Variants in ZBTB20 observed in about 807,000 individuals in gnomAD.
The protein encoded by ZBTB20 is zinc finger and BTB domain containing 20, also known as zinc finger and BTB domain-containing protein 20.
ZBTB20 carries 9 observed loss-of-function variants against 56.9 expected under a neutral mutation model. The ratio of observed to expected loss-of-function variants is 0.16; its 90% CI spans 0.10 to 0.28. The LOEUF is 0.28. Ranked by LOEUF, ZBTB20 falls within the 10% of genes least tolerant of loss-of-function variation. ZBTB20 has a pLI of 1.00. For synonymous variants in ZBTB20, 417 were observed against 420.7 expected, an observed-to-expected ratio of 0.99 and a Z score of 0.11; for missense variants, 655 against 1,003.0, an observed-to-expected ratio of 0.65 and a Z score of 4.69.
chr3:114,844,859 T>C (rs2074609520), intron 4 of ZBTB20, among the ~76,000 whole-genome samples: 1 of 63,028 alleles, frequency 1.6e-5, no homozygotes, highest in Non-Finnish European at 3.5e-5. Flanking sequence ...TTTTTCTTTT[T>C]CTTTTTTTTT....
rs564475603 is a variant in ZBTB20 at position 114,591,922 on chromosome 3, C to G, written c.-294-91531G>C. Among the ~76,000 whole-genome samples, 12 of 152,192 alleles carry G rather than the reference C, an allele frequency of 7.9e-5. No homozygotes were observed. In the South Asian group the frequency reaches 2.5e-3, roughly 32 times the overall value. The stretch of plus-strand genomic sequence containing the variant: ...TGCAACCATTTAGAAGTTCTGGTAT[C>G]CTGTTGTTAATGTGATTTTTGCATC... On this transcript the variant is annotated intron_variant, in intron 6 of 11. Transcript: ENST00000675478.
At chr3:114,689,445 G>A (rs1272194892) in intron 6 of ZBTB20, among the ~76,000 whole-genome samples, 1 of 152,068 alleles carries the variant, frequency 6.6e-6, no homozygotes, top group African/African-American at 2.4e-5. Flanking sequence ...CTTAACTGGG[G>A]GAAAGGAGGT....
intron 4 of ZBTB20, among the ~76,000 whole-genome samples, chr3:114,883,969 A>T (rs1201449028): frequency 1.1e-5 from 1 of 87,554 alleles, no homozygotes; most frequent in African/African-American, 4.3e-5. Context: ...TCTGTCGCCC[A>T]GGCTGGAGTG....
intron 4 of ZBTB20, among the ~76,000 whole-genome samples, chr3:114,849,561 A>T (rs2074891078): frequency 6.6e-6 from 1 of 152,212 alleles, no homozygotes; most frequent in Admixed American, 6.5e-5. Flanking sequence ...GACAGTTGAT[A>T]TTTATACACT....
intron 3 of ZBTB20, among the ~76,000 whole-genome samples, chr3:114,948,827 A>G (rs929094010): frequency 6.8e-6 from 1 of 146,462 alleles, no homozygotes; most frequent in Non-Finnish European, 1.5e-5. Context: ...GAAGAATAAA[A>G]TAAGTATGAA....
intron 7 of ZBTB20, among the ~76,000 whole-genome samples, chr3:114,392,326 G>T (rs938681450): frequency 6.6e-6 from 1 of 152,142 alleles, no homozygotes; most frequent in Admixed American, 6.5e-5. Flanking sequence ...GAGGATATAT[G>T]CCCCGTTCTC....
intron 1 of ZBTB20, among the ~76,000 whole-genome samples, chr3:115,090,268 GAATTTTAA>G (rs1445831206): frequency 2.0e-5 from 3 of 151,682 alleles, no homozygotes; most frequent in African/African-American, 7.3e-5. Context: ...TCAGAAATTT[GAATTTTAA>G]CAAAAATCCG....
chr3:114,634,105 C>T (rs2059124333), intron 6 of ZBTB20, among the ~76,000 whole-genome samples: 2 of 151,688 alleles, frequency 1.3e-5, no homozygotes, highest in African/African-American at 2.4e-5. Context: ...TTTTAGAGCT[C>T]GAATTAACTA....
At chr3:114,375,469 G>C (rs1303504850) in intron 10 of ZBTB20, among the ~76,000 whole-genome samples, 1 of 152,114 alleles carries the variant, frequency 6.6e-6, no homozygotes, top group South Asian at 2.1e-4. Context: ...TTACTTTCCA[G>C]TTTGAATACA....
intron 3 of ZBTB20, among the ~76,000 whole-genome samples, chr3:114,954,694 T>C (rs900563658): frequency 4.6e-5 from 7 of 152,162 alleles, no homozygotes; most frequent in Admixed American, 1.3e-4. Flanking sequence ...TGAGAATAAG[T>C]GAAAGTTGAA....
chr3:114,756,737 G>A (rs1219697818), intron 5 of ZBTB20, among the ~76,000 whole-genome samples: 2 of 152,136 alleles, frequency 1.3e-5, no homozygotes, highest in Non-Finnish European at 2.9e-5. Context: ...GATCCAGCCA[G>A]TCTCAGTCTG....
intron 6 of ZBTB20, among the ~76,000 whole-genome samples, chr3:114,636,325 A>G (rs2059269808): frequency 2.6e-5 from 4 of 152,146 alleles, no homozygotes; most frequent in Admixed American, 2.6e-4. Context: ...GATGTTGATT[A>G]GCAGCATGAA....
intron 3 of ZBTB20, among the ~76,000 whole-genome samples, chr3:114,936,633 G>A (rs1467798616): frequency 6.6e-6 from 1 of 152,172 alleles, no homozygotes; most frequent in Non-Finnish European, 1.5e-5. Context: ...GGAAAACAAA[G>A]CATGTGCAAT....
intron 6 of ZBTB20, among the ~76,000 whole-genome samples, chr3:114,562,553 T>C (rs2052210638): frequency 1.3e-5 from 2 of 152,254 alleles, no homozygotes; most frequent in Admixed American, 1.3e-4. Flanking sequence ...AGAGTAGCAC[T>C]TTTAATTTCC....
At chr3:114,797,096 T>A (rs1425260229) in intron 5 of ZBTB20, among the ~76,000 whole-genome samples, 1 of 151,800 alleles carries the variant, frequency 6.6e-6, no homozygotes, top group Non-Finnish European at 1.5e-5. Flanking sequence ...TTAATTAGGA[T>A]TACATGAGTT....
intron 6 of ZBTB20, among the ~76,000 whole-genome samples, chr3:114,592,195 A>T (rs1327160143): frequency 6.6e-6 from 1 of 152,172 alleles, no homozygotes; most frequent in Non-Finnish European, 1.5e-5. Flanking sequence ...GCTGGCCACA[A>T]AATAAATAGG....
At chr3:114,868,090 C>T (rs1374364923) in intron 4 of ZBTB20, among the ~76,000 whole-genome samples, 2 of 152,102 alleles carry the variant, frequency 1.3e-5, no homozygotes, top group African/African-American at 4.8e-5. Flanking sequence ...AGCTAAAAAA[C>T]AAGGAAGCTG....
intron 2 of ZBTB20, among the ~76,000 whole-genome samples, chr3:114,989,489 G>GT (rs1315976483): frequency 1.3e-5 from 2 of 152,062 alleles, no homozygotes; most frequent in African/African-American, 4.8e-5. Context: ...GCACCATGCT[G>GT]TTTGGTTACT....
At chr3:114,834,798 G>C (rs1209188341) in intron 4 of ZBTB20, among the ~76,000 whole-genome samples, 1 of 152,036 alleles carries the variant, frequency 6.6e-6, no homozygotes, top group Non-Finnish European at 1.5e-5. Context: ...GTCTGATTGA[G>C]TTAGATATGG....
Sources: allele counts gnomAD v4.1 joint callset (sites outside exome capture counted in the v4.1 genomes callset), GRCh38; gene constraint gnomAD v4.1.1; transcripts MANE v1.5; gene names NCBI Gene and HGNC (gene_info 2026-07-23, HGNC 2026-07-21).